Variants in HCN1 observed in about 807,000 individuals in gnomAD.
HCN1 encodes the protein hyperpolarization activated cyclic nucleotide gated potassium channel 1, also known as potassium/sodium hyperpolarization-activated cyclic nucleotide-gated channel 1.
A neutral mutation model predicts 78.9 loss-of-function variants in HCN1; 13 were observed. The observed-to-expected ratio is 0.16, with a 90% CI of 0.11 to 0.26. The LOEUF (loss-of-function observed/expected upper bound fraction) is 0.26, where lower values mean the gene tolerates loss of function less well. Among genes scored for constraint, HCN1 ranks in the 10% least tolerant of loss-of-function variants. The pLI, the probability that HCN1 is intolerant of heterozygous loss-of-function variation, is 1.00. For synonymous variants in HCN1, 552 were observed against 455.5 expected, an observed-to-expected ratio of 1.21 and a Z score of -2.70; for missense variants, 810 against 1,154.3, an observed-to-expected ratio of 0.70 and a Z score of 4.32.
intron 5 of HCN1, among the ~76,000 whole-genome samples, chr5:45,350,465 A>G (rs1746868868): frequency 6.6e-6 from 1 of 152,120 alleles, no homozygotes; most frequent in South Asian, 2.1e-4. Flanking sequence ...AAACTGCCAC[A>G]AGACAGGGAT....
intron 2 of HCN1, among the ~76,000 whole-genome samples, chr5:45,574,064 ATG>A (rs1389826844): frequency 1.3e-5 from 2 of 152,160 alleles, no homozygotes; most frequent in African/African-American, 2.4e-5. Context: ...AGGGAAGTAT[ATG>A]AATCATAAAA....
intron 2 of HCN1, among the ~76,000 whole-genome samples, chr5:45,512,039 A>C (rs1170248737): frequency 6.6e-6 from 1 of 152,122 alleles, no homozygotes; most frequent in Non-Finnish European, 1.5e-5. Flanking sequence ...AGTTAAGGAT[A>C]AGATTATTCA....
At chr5:45,412,631 A>G (rs562604565) in intron 3 of HCN1, among the ~76,000 whole-genome samples, 1 of 152,188 alleles carries the variant, frequency 6.6e-6, no homozygotes, top group Admixed American at 6.6e-5. Context: ...ATCAATGGCA[A>G]TGTCTCTGGA....
intron 5 of HCN1, among the ~76,000 whole-genome samples, chr5:45,347,113 C>A (rs187603280): frequency 0.023 from 3,561 of 152,262 alleles, 156 homozygotes; most frequent in African/African-American, 0.082. Context: ...TGGGAGGCAC[C>A]TCCCAGTAGG....
At chr5:45,367,041 G>A (rs1747252768) in intron 4 of HCN1, among the ~76,000 whole-genome samples, 1 of 151,710 alleles carries the variant, frequency 6.6e-6, no homozygotes, top group Admixed American at 6.6e-5. Context: ...CTAATCCAAT[G>A]GGGGAAGTGA....
chr5:45,632,474 C>T (rs1289635192), intron 2 of HCN1, among the ~76,000 whole-genome samples: 2 of 151,962 alleles, frequency 1.3e-5, no homozygotes, highest in Non-Finnish European at 2.9e-5. Context: ...TTTAAAAATT[C>T]ATAGTATTAG....
At chr5:45,419,008 C>T (rs1334014114) in intron 3 of HCN1, among the ~76,000 whole-genome samples, 5 of 152,040 alleles carry the variant, frequency 3.3e-5, no homozygotes, top group Admixed American at 1.3e-4. Context: ...CATTTGTGCC[C>T]GCTTTGTGTT....
chr5:45,513,447 C>T (rs16902151), intron 2 of HCN1, among the ~76,000 whole-genome samples: 261 of 152,198 alleles, frequency 1.7e-3, no homozygotes, highest in African/African-American at 5.6e-3. Flanking sequence ...TAAGGAAACT[C>T]CATTCAAAGG....
intron 6 of HCN1, among the ~76,000 whole-genome samples, chr5:45,285,059 C>G (rs1745241176): frequency 6.6e-6 from 1 of 152,030 alleles, no homozygotes; most frequent in Non-Finnish European, 1.5e-5. Flanking sequence ...TTGGAATGAG[C>G]TGGAGAGATT....
At chr5:45,557,187 G>A (rs1197065971) in intron 2 of HCN1, among the ~76,000 whole-genome samples, 1 of 151,968 alleles carries the variant, frequency 6.6e-6, no homozygotes, top group Non-Finnish European at 1.5e-5. Context: ...TTTGGAATTT[G>A]AAAACTTTTT....
chr5:45,498,631 G>A (rs895235063), intron 2 of HCN1, among the ~76,000 whole-genome samples: 7 of 152,204 alleles, frequency 4.6e-5, no homozygotes, highest in Non-Finnish European at 4.4e-5. Flanking sequence ...CTGGTGAGGA[G>A]CTGCGTTCCT....
At position 45,695,959 on chromosome 5, in the gene HCN1, GC is replaced by G. The variant is rs1561248623; in HGVS notation, c.134del (p.Gly45AlafsTer103). 5.3e-6 allele frequency: 7 copies of G among 1,329,194 alleles called. No individual in the cohort carries two copies. The highest frequency in any genetic ancestry group is 3.8e-6 in the Non-Finnish European group (4 of 1,048,360). The allele number at this position is 1,329,194 out of a possible 1,614,324, so 82.3% of individuals were successfully genotyped here. A position where few individuals can be genotyped will look rare whatever the true frequency, so the allele number is the denominator to read the frequency against. On this transcript the variant is annotated frameshift_variant, in exon 1 of 8. Transcript: ENST00000303230. LOFTEE classifies it high-confidence loss of function. ...CGTGCTCCTTCGCGCCGGCCCCGCC[GC>G]CCCCCGGCGGGGTGCCCAGGCGCTT... is the stretch of plus-strand genomic sequence containing the variant. The part of the protein sequence containing the change: ...AEKRLGTPPG[G>X]GGAGAKEHGN...
At chr5:45,685,607 G>A (rs1483778565) in intron 1 of HCN1, among the ~76,000 whole-genome samples, 3 of 152,162 alleles carry the variant, frequency 2.0e-5, no homozygotes, top group Non-Finnish European at 4.4e-5. Context: ...AGCTACTTGG[G>A]AGGCTGAGGC....
intron 2 of HCN1, among the ~76,000 whole-genome samples, chr5:45,614,649 C>T (rs77664932): frequency 0.017 from 2,521 of 152,158 alleles, 64 homozygotes; most frequent in African/African-American, 0.057. Flanking sequence ...GTGGCTTCTC[C>T]TCTTTTCTCT....
chr5:45,396,780 G>C, intron 3 of HCN1, 70 bp from the exon 4 acceptor site: 2 of 1,101,238 alleles, frequency 1.8e-6, no homozygotes, highest in African/African-American at 3.1e-5. Context: ...AGTAGGACCT[G>C]TACACAGAAG....
intron 2 of HCN1, among the ~76,000 whole-genome samples, chr5:45,491,762 A>G (rs1158015604): frequency 6.6e-6 from 1 of 152,194 alleles, no homozygotes; most frequent in African/African-American, 2.4e-5. Flanking sequence ...GAGAAAAATA[A>G]TATGTGCAAG....
chr5:45,452,156 C>T (rs892205917), intron 3 of HCN1, among the ~76,000 whole-genome samples: 2 of 151,810 alleles, frequency 1.3e-5, no homozygotes, highest in Non-Finnish European at 1.5e-5. Context: ...CAAGCTTATG[C>T]ATGAGAATAA....
intron 3 of HCN1, among the ~76,000 whole-genome samples, chr5:45,422,512 A>G (rs947952273): frequency 1.3e-5 from 2 of 152,108 alleles, no homozygotes; most frequent in Non-Finnish European, 2.9e-5. Context: ...ACCTCCAAAA[A>G]CCATTGCTTT....
At chr5:45,398,863 G>A (rs1023361786) in intron 3 of HCN1, among the ~76,000 whole-genome samples, 3 of 152,148 alleles carry the variant, frequency 2.0e-5, no homozygotes, top group Non-Finnish European at 2.9e-5. Context: ...GACATCTGCT[G>A]TGCAATTTTG....
Sources: allele counts gnomAD v4.1 joint callset (sites outside exome capture counted in the v4.1 genomes callset), GRCh38; gene constraint gnomAD v4.1.1; transcripts MANE v1.5; gene names NCBI Gene and HGNC (gene_info 2026-07-23, HGNC 2026-07-21).